ANK2: variants seen among roughly 807,000 people sequenced by gnomAD.
ANK2 encodes the protein ankyrin 2, also known as ankyrin-2.
A neutral mutation model predicts 360.5 loss-of-function variants in ANK2; 83 were observed. The observed-to-expected ratio is 0.23, with a 90% CI of 0.19 to 0.28. The LOEUF is 0.28. Ranked by LOEUF, ANK2 falls within the 10% of genes least tolerant of loss-of-function variation. The pLI is 1.00. For missense variants in ANK2, 4,201 were observed against 4,795.7 expected (o/e 0.88, Z 3.66); for synonymous variants, 1,740 against 1,759.5 (o/e 0.99, Z 0.28).
chr4:112,910,541 C>T lies in ANK2; in HGVS notation c.21+6027C>T, dbSNP rs188249208. On this transcript the variant is annotated intron_variant, in intron 2 of 30. Coordinates refer to the ANK2 transcript ENST00000503271. ...TAATATCTGTAAAGGGGGTCTGTGG[C>T]AGCCAGCAGAGGGAGAAAGTGAAAT... 1.6e-3 allele frequency among the ~76,000 whole-genome samples: 244 copies of T among 152,304 alleles called. 4 individuals carry two copies. Among genetic ancestry groups the T allele is most frequent in the Non-Finnish European group, 8.4e-4 (57 of 68,016 alleles).
intron 2 of ANK2, among the ~76,000 whole-genome samples, chr4:113,038,897 TCCAGCCTGAGCTGCC>T (rs1420417093): frequency 6.6e-6 from 1 of 152,000 alleles, no homozygotes; most frequent in Non-Finnish European, 1.5e-5. Flanking sequence ...GAGTAGATCC[TCCAGCCTGAGCTGCC>T]CCAGCTGACA....
intron 1 of ANK2, among the ~76,000 whole-genome samples, chr4:113,147,098 C>A (rs571340262): frequency 6.6e-6 from 1 of 152,178 alleles, no homozygotes; most frequent in East Asian, 1.9e-4. Context: ...TTGCAGTTGG[C>A]AGTGAACAGA....
intron 1 of ANK2, among the ~76,000 whole-genome samples, chr4:112,891,900 C>T (rs187275117): frequency 2.0e-5 from 3 of 152,050 alleles, no homozygotes; most frequent in South Asian, 2.1e-4. Context: ...TTTCTGAAAG[C>T]GTTACCTAAT....
intron 2 of ANK2, among the ~76,000 whole-genome samples, chr4:113,023,699 T>C (rs897115435): frequency 4.6e-5 from 7 of 152,228 alleles, no homozygotes; most frequent in Admixed American, 2.0e-4. Flanking sequence ...TTCATGTTCA[T>C]GCACTACACC....
chr4:113,345,319 G>A (rs1164370670), intron 34 of ANK2, among the ~76,000 whole-genome samples: 3 of 152,134 alleles, frequency 2.0e-5, no homozygotes, highest in Admixed American at 6.5e-5. Flanking sequence ...GTTCAATGGG[G>A]ACAGTTTCGG....
the ANK2 span, among the ~76,000 whole-genome samples, chr4:112,795,306 A>G: frequency 6.6e-6 from 1 of 152,206 alleles, no homozygotes; most frequent in Non-Finnish European, 1.5e-5. Flanking sequence ...TATATTACTC[A>G]GAGACTTGAC....
At position 112,861,869 on chromosome 4, in the gene ANK2, A is replaced by AGAGAGAGAGAGAGAG. The variant is rs773734914; in HGVS notation, c.-39-42586_-39-42585insGAGAGAGAGAGAGAG. On this transcript the variant is annotated intron_variant, in intron 1 of 30. Coordinates refer to the ANK2 transcript ENST00000503271. ...AGAGAGAGAGAGAGAGAGAGAGAGA[A>AGAGAGAGAGAGAGAG]ACTCTCACAGTTTATGCGAGAGTCA... 1.5e-3 allele frequency among the ~76,000 whole-genome samples: 104 copies of AGAGAGAGAGAGAGAG among 69,230 alleles called. 1 individual carries two copies. The Middle Eastern group carries it at 0.022, about 15-fold the overall frequency. 45.4% of individuals were successfully genotyped at this position (69,230 alleles called of 152,430 possible). A position where few individuals can be genotyped will look rare whatever the true frequency, so the allele number is the denominator to read the frequency against.
chr4:113,322,977 G>T (rs189529227), intron 26 of ANK2, among the ~76,000 whole-genome samples: 238 of 152,226 alleles, frequency 1.6e-3, no homozygotes, highest in African/African-American at 5.2e-3. Context: ...AGCAAAACAA[G>T]TGTTTAGTAA....
At chr4:113,294,822 A>G (rs938740065) in intron 22 of ANK2, among the ~76,000 whole-genome samples, 3 of 152,240 alleles carry the variant, frequency 2.0e-5, no homozygotes, top group African/African-American at 7.2e-5. Context: ...GTCACTGCCT[A>G]GCACCATACT....
the ANK2 span, among the ~76,000 whole-genome samples, chr4:112,738,043 C>T: frequency 6.6e-6 from 1 of 152,208 alleles, no homozygotes; most frequent in Non-Finnish European, 1.5e-5. Context: ...TACTCATTTA[C>T]TAATTCCACA....
rs13129046 is a variant in ANK2, at chr4:112,829,980, A to T, written c.-40+11716A>T. Among the ~76,000 whole-genome samples, 762 of 150,574 alleles carry T rather than the reference A, an allele frequency of 5.1e-3. 5 individuals are homozygous for T. Among genetic ancestry groups the T allele is most frequent in the Non-Finnish European group, 9.2e-3 (623 of 67,580 alleles). On this transcript the variant is annotated intron_variant, in intron 1 of 30. Transcript: ENST00000503271. Reference sequence around the variant, plus strand: ...TCTCAAAAAAATAAAAATAAAAAATAAAAAAAAAGTCAAAAAATAACAGAT... The same window carrying T: ...TCTCAAAAAAATAAAAATAAAAAATTAAAAAAAAGTCAAAAAATAACAGAT...
chr4:113,242,281 C>T, intron 9 of ANK2, 72 bp downstream of exon 9: 1 of 1,291,036 alleles, frequency 7.7e-7, no homozygotes, highest in Non-Finnish European at 1.1e-6. Flanking sequence ...CACCTCAAGA[C>T]ACCAGGTCAT....
intron 1 of ANK2, among the ~76,000 whole-genome samples, chr4:112,846,638 C>T (rs866053771): frequency 3.9e-5 from 6 of 152,092 alleles, no homozygotes; most frequent in Non-Finnish European, 7.4e-5. Context: ...CAAAGGGCCT[C>T]TGCTCACCTT....
intron 1 of ANK2, among the ~76,000 whole-genome samples, chr4:112,883,597 A>T (rs2150490243): frequency 6.6e-6 from 1 of 152,190 alleles, no homozygotes; most frequent in South Asian, 2.1e-4. Context: ...TCTTTAAGGA[A>T]TCTGTATTCA....
chr4:113,304,581 T>C (rs1239898004), intron 23 of ANK2, among the ~76,000 whole-genome samples: 1 of 152,220 alleles, frequency 6.6e-6, no homozygotes, highest in African/African-American at 2.4e-5. Flanking sequence ...TATTATCTTT[T>C]CTTAGAATAT....
intron 26 of ANK2, among the ~76,000 whole-genome samples, chr4:113,325,489 A>G (rs888265855): frequency 3.3e-5 from 5 of 152,308 alleles, no homozygotes; most frequent in African/African-American, 1.2e-4. Flanking sequence ...AGGTTACAAC[A>G]TTAATTCAAG....
the ANK2 span, among the ~76,000 whole-genome samples, chr4:112,804,185 A>AT: frequency 4.0e-5 from 6 of 151,666 alleles, no homozygotes; most frequent in Non-Finnish European, 7.4e-5. Flanking sequence ...TGCCTGGCTA[A>AT]TTTTTTTTGT....
chr4:113,061,746 CA>C (rs929625906), intron 1 of ANK2, among the ~76,000 whole-genome samples: 8 of 151,374 alleles, frequency 5.3e-5, no homozygotes, highest in South Asian at 2.1e-4. Context: ...TTAATGCGCA[CA>C]AAAAAATAAT....
At chr4:112,832,132 A>G (rs1217112392) in intron 1 of ANK2, among the ~76,000 whole-genome samples, 2 of 152,172 alleles carry the variant, frequency 1.3e-5, no homozygotes, top group African/African-American at 4.8e-5. Context: ...GGCCACTGCA[A>G]CCTCTGACTC....
Sources: gnomAD v4.1 joint callset for allele counts (sites outside exome capture counted in the v4.1 genomes callset) on GRCh38, gnomAD v4.1.1 for gene constraint, MANE v1.5 for transcripts, NCBI Gene and HGNC (gene_info 2026-07-23, HGNC 2026-07-21) for gene names.